The following MLANA variants were observed in gnomAD, a reference collection of about 807,000 sequenced individuals.
MLANA encodes the protein melan-A.
MLANA carries 21 observed loss-of-function variants against 15.7 expected under a neutral mutation model. The ratio of observed to expected loss-of-function variants is 1.33; its 90% CI spans 0.95 to 1.92. MLANA has a LOEUF of 1.92. Ranked by LOEUF, MLANA falls within the 40% of genes most tolerant of loss-of-function variation. The pLI is 0.00. For missense variants in MLANA, 164 were observed against 143.8 expected (o/e 1.14, Z -0.72); for synonymous variants, 56 against 51.5 (o/e 1.09, Z -0.37).
rs547509322 is a variant in MLANA, at chr9:5,903,285, T to C, written c.175-3600T>C. 3.3e-5 allele frequency among the ~76,000 whole-genome samples: 5 copies of C among 152,344 alleles called. No homozygotes were observed. In the South Asian group the frequency reaches 1.0e-3, roughly 32 times the overall value. On this transcript the variant is annotated intron_variant, in intron 3 of 4. Transcript: ENST00000381477. ...TAATGTTCTGAGCTTGAGAAGAAAG[T>C]GTATTCTGTTGTCGTTGGATGAAGT...
chr9:5,897,628 G>A lies in MLANA; in HGVS notation c.149G>A (p.Arg50Lys). 6.2e-7 allele frequency: 1 copy of A among 1,614,084 alleles called. No homozygotes were observed. Among genetic ancestry groups the A allele is most frequent in the Non-Finnish European group, 8.5e-7 (1 of 1,179,922 alleles). The change falls in exon 3 of 5, where the codon AGA (arginine) becomes AAA (lysine). Residue 50 changes from arginine (R) to lysine (K), a missense_variant. Physicochemically the swap from Arg to Lys is conservative, Grantham distance 26 (BLOSUM62 2). Coordinates refer to ENST00000381477, the MANE Select transcript of MLANA (RefSeq NM_005511.2). ...CTCATCGGCTGTTGGTATTGTAGAA[G>A]ACGAAATGGATACAGAGCCTTGATG... ...LLLIGCWYCRRRNGYRALMDK... is the reference protein window; with the variant it reads ...LLLIGCWYCRKRNGYRALMDK...
chr9:5,908,643 C>G lies in MLANA; in HGVS notation c.292C>G (p.Pro98Ala), dbSNP rs1832968033. 6.2e-7 allele frequency: 1 copy of G among 1,613,908 alleles called. No individual in the cohort carries two copies. Among genetic ancestry groups the G allele is most frequent in the East Asian group, 2.2e-5 (1 of 44,862 alleles). ...TCTCCCTTTCTTGTTCTCACAGGTT[C>G]CCAATGCTCCACCTGCTTATGAGAA... is the stretch of plus-strand genomic sequence containing the variant. Reference protein sequence around the residue: ...LQEKNCEPVVPNAPPAYEKLS... With the variant: ...LQEKNCEPVVANAPPAYEKLS... The change falls in exon 5 of 5, where the codon CCC becomes GCC. Residue 98 changes from proline (P) to alanine (A), a missense_variant. By Grantham distance (27) the Pro-to-Ala change is conservative (BLOSUM62 -1). Transcript: ENST00000381477.
rs73395366 is a variant in MLANA, at chr9:5,895,298, A to G, written c.78-2259A>G. On this transcript the variant is annotated intron_variant, in intron 2 of 4. Transcript: ENST00000381477. ...AACTGCACATGGCCACCAATGTCAA[A>G]AGTCATTCCTCTCATGAAAAGTCCC... Among the ~76,000 whole-genome samples, 417 of 152,254 alleles carry G rather than the reference A, an allele frequency of 2.7e-3. 3 individuals carry two copies. Among genetic ancestry groups the G allele is most frequent in the African/African-American group, 9.6e-3 (397 of 41,546 alleles).
rs2233179 is a variant in MLANA at position 5,908,581 on chromosome 9, C to T, written c.289-59C>T. The stretch of plus-strand genomic sequence containing the variant: ...TATGTTAACTATTTTAACTTAATCC[C>T]TTCCTAGAAACACATACACTGTTGC... On this transcript the variant is annotated intron_variant, in intron 4 of 4. Coordinates refer to ENST00000381477, the MANE Select transcript of MLANA (RefSeq NM_005511.2). 2.7e-3 allele frequency: 3,817 copies of T among 1,406,334 alleles called. 53 individuals carry two copies. The African/African-American group carries it at 0.043, about 16-fold the overall frequency. The allele number at this position is 1,406,334 out of a possible 1,614,324, so 87.1% of individuals were successfully genotyped here.
At chr9:5,904,980 A>G (rs1169009094) in intron 3 of MLANA, among the ~76,000 whole-genome samples, 8 of 151,782 alleles carry the variant, frequency 5.3e-5, no homozygotes, top group Non-Finnish European at 8.8e-5. Flanking sequence ...TCACTGTGTT[A>G]GCCAGGATGG....
intron 2 of MLANA, among the ~76,000 whole-genome samples, chr9:5,896,875 T>A (rs1832062345): frequency 1.3e-5 from 2 of 152,218 alleles, no homozygotes; most frequent in Non-Finnish European, 2.9e-5. Flanking sequence ...ACAGCTTTGC[T>A]GTAGGTTCAG....
chr9:5,899,321 TGA>T, intron 3 of MLANA: 1 of 152,268 alleles, frequency 6.6e-6, no homozygotes, highest in East Asian at 1.9e-4. Flanking sequence ...AAGGAGAAGG[TGA>T]GAGATACAAC....
At chr9:5,893,520 G>C (rs1831794168) in intron 2 of MLANA, among the ~76,000 whole-genome samples, 1 of 152,162 alleles carries the variant, frequency 6.6e-6, no homozygotes, top group African/African-American at 2.4e-5. Flanking sequence ...CCCTGGTATA[G>C]GATCCTCTAA....
At chr9:5,900,829 A>G (rs1412627032) in intron 3 of MLANA, among the ~76,000 whole-genome samples, 1 of 152,220 alleles carries the variant, frequency 6.6e-6, no homozygotes, top group Non-Finnish European at 1.5e-5. Context: ...CCAGTTTTAC[A>G]TCTTCACTTG....
intron 2 of MLANA, among the ~76,000 whole-genome samples, chr9:5,892,818 C>T (rs1413974778): frequency 6.6e-6 from 1 of 152,184 alleles, no homozygotes; most frequent in Non-Finnish European, 1.5e-5. Flanking sequence ...TGGGTCTTAT[C>T]TGTAGGTTCC....
intron 3 of MLANA, among the ~76,000 whole-genome samples, chr9:5,900,945 T>C (rs1586941974): frequency 6.6e-6 from 1 of 152,156 alleles, no homozygotes; most frequent in East Asian, 1.9e-4. Context: ...CAATGCATGG[T>C]CAGTGGTCAC....
At chr9:5,902,951 A>C (rs1393861434) in intron 3 of MLANA, among the ~76,000 whole-genome samples, 1 of 152,176 alleles carries the variant, frequency 6.6e-6, no homozygotes, top group Admixed American at 6.5e-5. Flanking sequence ...TAATATACAC[A>C]TTCAATGTCA....
chr9:5,892,698 T>C, intron 2 of MLANA, 147 bp downstream of exon 2: 1 of 632,210 alleles, frequency 1.6e-6, no homozygotes, highest in South Asian at 2.4e-5. Flanking sequence ...GGGGAGGAGA[T>C]TCTGTGCTTC....
intron 3 of MLANA, among the ~76,000 whole-genome samples, chr9:5,900,395 T>A (rs1035122071): frequency 1.3e-5 from 2 of 152,184 alleles, no homozygotes; most frequent in Non-Finnish European, 2.9e-5. Flanking sequence ...TATTAAAATC[T>A]TATTTTGAGA....
At chr9:5,906,540 C>T (rs763674868) in intron 3 of MLANA, among the ~76,000 whole-genome samples, 1 of 152,192 alleles carries the variant, frequency 6.6e-6, no homozygotes, top group Non-Finnish European at 1.5e-5. Flanking sequence ...TTTATTTCTG[C>T]TTCACTATTG....
Position 5,910,188 on chromosome 9 carries a change from T to G in MLANA, c.*1480T>G, listed in dbSNP as rs1833080065. 6.6e-6 allele frequency: 1 copy of G among 152,210 alleles called. No individual in the cohort carries two copies. Among genetic ancestry groups the G allele is most frequent in the African/African-American group, 2.4e-5 (1 of 41,454 alleles). 9.4% of individuals were successfully genotyped at this position (152,210 alleles called of 1,614,324 possible). A position where few individuals can be genotyped will look rare whatever the true frequency, so the allele number is the denominator to read the frequency against. On this transcript the variant is annotated 3_prime_UTR_variant, in exon 5 of 5. Coordinates refer to ENST00000381477, the MANE Select transcript of MLANA (RefSeq NM_005511.2). ...TTACAAGAGTTTTAAAGAAATTACT[T>G]TCTCACTATATGATTCATTGCTATT... is the stretch of plus-strand genomic sequence containing the variant.
In MLANA at chr9:5,894,393, C is replaced by T. The variant is rs1457365783; in HGVS notation, c.77+1842C>T. On this transcript the variant is annotated intron_variant, in intron 2 of 4. Coordinates refer to ENST00000381477, the MANE Select transcript of MLANA (RefSeq NM_005511.2). The surrounding 1 kb of genome is among the most constrained non-coding windows in gnomAD (Gnocchi z 4.0). Reference sequence around the variant, plus strand: ...GAGGCAAAGAAGGCATCGGGGCAACCAAGGCTGTACCCACAGAATGCTGCT... The same window carrying T: ...GAGGCAAAGAAGGCATCGGGGCAACTAAGGCTGTACCCACAGAATGCTGCT... 6.6e-6 allele frequency among the ~76,000 whole-genome samples: 1 copy of T among 152,134 alleles called. No homozygotes were observed. Among genetic ancestry groups the T allele is most frequent in the Admixed American group, 6.5e-5 (1 of 15,284 alleles).
chr9:5,893,861 G>A (rs2150702), intron 2 of MLANA, among the ~76,000 whole-genome samples: 66,230 of 151,700 alleles, frequency 0.44, 14,953 homozygotes, highest in Middle Eastern at 0.53. Flanking sequence ...GGCTAGGACC[G>A]TTCCTTTCAA....
intron 3 of MLANA, among the ~76,000 whole-genome samples, chr9:5,903,580 A>G (rs1023574309): frequency 2.0e-5 from 3 of 152,148 alleles, no homozygotes; most frequent in African/African-American, 7.2e-5. Context: ...TCTGATAGAG[A>G]GATGTTGAAG....
Sources: gnomAD v4.1 joint callset for allele counts (sites outside exome capture counted in the v4.1 genomes callset) on GRCh38, gnomAD v4.1.1 for gene constraint, Gnocchi (gnomAD v3.1) non-coding constraint, MANE v1.5 for transcripts, NCBI Gene and HGNC (gene_info 2026-07-23, HGNC 2026-07-21) for gene names.